The following SPAM1 variants were observed in gnomAD, a reference collection of about 807,000 sequenced individuals.
SPAM1 encodes sperm adhesion molecule 1.
In SPAM1, 22 loss-of-function variants were observed where a neutral mutation model predicts 29.6. That is an observed-to-expected ratio of 0.74 (90% CI 0.53 to 1.06). The LOEUF is 1.06. Ranked by LOEUF, SPAM1 falls within the 50% of genes least tolerant of loss-of-function variation. The pLI is 0.00. For synonymous variants in SPAM1, 194 were observed against 204.6 expected, an observed-to-expected ratio of 0.95 and a Z score of 0.44; for missense variants, 534 against 604.0, an observed-to-expected ratio of 0.88 and a Z score of 1.21.
chr7:123,969,621 T>C (rs1416149802), intron 5 of SPAM1, among the ~76,000 whole-genome samples: 2 of 152,042 alleles, frequency 1.3e-5, no homozygotes, highest in African/African-American at 2.4e-5. Context: ...TATTTCTGGG[T>C]TCTCTGTCCT....
chr7:123,957,724 C>T (rs547794518), intron 4 of SPAM1, among the ~76,000 whole-genome samples: 48 of 152,132 alleles, frequency 3.2e-4, no homozygotes, highest in African/African-American at 9.6e-4. Flanking sequence ...GATACTTTCT[C>T]ATTTGGGTTG....
chr7:123,970,146 A>C, intron 5 of SPAM1: 1 of 1,539,272 alleles, frequency 6.5e-7, no homozygotes, highest in Non-Finnish European at 8.8e-7. Flanking sequence ...AAAGTGCCAC[A>C]GACTAGGTGG....
chr7:123,955,156 T>C (rs567958294), intron 4 of SPAM1, 70 bp downstream of exon 4: 2 of 1,129,768 alleles, frequency 1.8e-6, no homozygotes, highest in African/African-American at 3.1e-5. Context: ...TGTTTTGGTA[T>C]TAAATAAGAA....
In SPAM1 at chr7:123,946,654, G is replaced by A. The variant is rs559977824; in HGVS notation, c.-318-3218G>A. Among the ~76,000 whole-genome samples, 3 of 152,028 alleles carry A rather than the reference G, an allele frequency of 2.0e-5. No homozygotes were observed. The South Asian group carries it at 6.2e-4, about 31-fold the overall frequency. On this transcript the variant is annotated intron_variant, in intron 1 of 4. Coordinates refer to ENST00000682466, the MANE Select transcript of SPAM1 (RefSeq NM_153189.3). ...GATATACATTGGTTTGGTCCAGCAG[G>A]GCAGGACAACTTGAGGTGGGGGGCT...
At chr7:123,966,996 A>G (rs1388379798) in intron 5 of SPAM1, among the ~76,000 whole-genome samples, 1 of 152,026 alleles carries the variant, frequency 6.6e-6, no homozygotes, top group African/African-American at 2.4e-5. Context: ...TTATTTATAT[A>G]CTTTCAATAT....
chr7:123,943,010 A>G (rs1808475984), intron 1 of SPAM1, among the ~76,000 whole-genome samples: 1 of 152,248 alleles, frequency 6.6e-6, no homozygotes, highest in African/African-American at 2.4e-5. Flanking sequence ...TCATGTAGAG[A>G]GAAATATGCT....
chr7:123,940,156 C>G (rs1393652870), intron 1 of SPAM1, among the ~76,000 whole-genome samples: 1 of 151,682 alleles, frequency 6.6e-6, no homozygotes, highest in African/African-American at 2.4e-5. Context: ...GTTTGAACAT[C>G]TTCATTTTAA....
chr7:123,962,584 G>T (rs1349693656), downstream of SPAM1, among the ~76,000 whole-genome samples: 1 of 151,614 alleles, frequency 6.6e-6, no homozygotes, highest in Non-Finnish European at 1.5e-5. Context: ...TAAAATCTTT[G>T]CCTTGACCAA....
At chr7:123,967,240 G>A (rs1792437289) in intron 5 of SPAM1, among the ~76,000 whole-genome samples, 2 of 151,980 alleles carry the variant, frequency 1.3e-5, no homozygotes, top group Non-Finnish European at 2.9e-5. Flanking sequence ...CACAGTGCTA[G>A]TCACAGTACG....
chr7:123,944,254 A>C (rs536400165), intron 1 of SPAM1, among the ~76,000 whole-genome samples: 13 of 152,124 alleles, frequency 8.5e-5, no homozygotes, highest in Non-Finnish European at 1.6e-4. Flanking sequence ...CTGGGTCTGA[A>C]AATGAGGCTT....
chr7:123,935,791 A>G (rs537075705), intron 1 of SPAM1, among the ~76,000 whole-genome samples: 1 of 152,328 alleles, frequency 6.6e-6, no homozygotes, highest in South Asian at 2.1e-4. Context: ...ATACAAATAT[A>G]TAACTGATAG....
intron 1 of SPAM1, among the ~76,000 whole-genome samples, chr7:123,945,802 T>G (rs1808561761): frequency 6.6e-6 from 1 of 151,028 alleles, no homozygotes; most frequent in Non-Finnish European, 1.5e-5. Context: ...AAGCCCCTGT[T>G]TTTTTTTTCC....
intron 1 of SPAM1, among the ~76,000 whole-genome samples, chr7:123,937,472 G>A (rs1457749610): frequency 2.6e-5 from 4 of 151,870 alleles, no homozygotes; most frequent in Middle Eastern, 3.4e-3. Context: ...ATGGTGGCGG[G>A]CGCCTGTAGT....
At chr7:123,955,302 A>G (rs181641900) in intron 4 of SPAM1, among the ~76,000 whole-genome samples, 2 of 152,170 alleles carry the variant, frequency 1.3e-5, no homozygotes, top group Non-Finnish European at 2.9e-5. Flanking sequence ...AATTTAGTGA[A>G]TAATTGAATT....
intron 2 of SPAM1, among the ~76,000 whole-genome samples, chr7:123,950,984 T>C (rs912158609): frequency 1.3e-5 from 2 of 152,242 alleles, no homozygotes; most frequent in Non-Finnish European, 2.9e-5. Context: ...CATTGCAGTT[T>C]AGACTTGCAT....
Position 123,937,486 on chromosome 7 carries a change from A to G in SPAM1, c.-319+12134A>G, listed in dbSNP as rs536533971. On this transcript the variant is annotated intron_variant, in intron 1 of 4. Coordinates refer to ENST00000682466, the MANE Select transcript of SPAM1 (RefSeq NM_153189.3). Reference sequence around the variant, plus strand: ...CATGGTGGCGGGCGCCTGTAGTCCCAGCTACTCGGGAGGCTGAGGCAGGAG... The same window carrying G: ...CATGGTGGCGGGCGCCTGTAGTCCCGGCTACTCGGGAGGCTGAGGCAGGAG... 3.3e-5 allele frequency among the ~76,000 whole-genome samples: 5 copies of G among 151,408 alleles called. No individual in the cohort carries two copies. The East Asian group carries it at 9.8e-4, about 30-fold the overall frequency.
chr7:123,952,893 GAA>G (rs11356452), intron 2 of SPAM1, among the ~76,000 whole-genome samples: 92 of 131,486 alleles, frequency 7.0e-4, no homozygotes, highest in African/African-American at 1.4e-3. Context: ...GCTCCCCTTT[GAA>G]AAAAAAAAAA....
chr7:123,929,339 A>G (rs1237628868), intron 1 of SPAM1, among the ~76,000 whole-genome samples: 1 of 152,082 alleles, frequency 6.6e-6, no homozygotes, highest in Non-Finnish European at 1.5e-5. Flanking sequence ...GCCTGGGAGA[A>G]GTTCTGGCTA....
Position 123,959,897 on chromosome 7 carries a change from C to T in SPAM1, c.1458C>T (p.Pro486=), listed in dbSNP as rs893218036. The stretch of plus-strand genomic sequence containing the variant: ...CTCAAATTTTCTACAATGCTTCACC[C>T]TCCACACTATCTGCCACAATGTTCA... ...EEPQIFYNAS[P]STLSATMFIV... is the part of the protein sequence containing the mutation. The change falls in exon 5 of 5, where the codon CCC becomes CCT. Residue 486 remains proline, a synonymous_variant. Coordinates refer to ENST00000682466, the MANE Select transcript of SPAM1 (RefSeq NM_153189.3). 6 of 1,612,672 alleles carry T rather than the reference C, an allele frequency of 3.7e-6. No homozygotes were observed. Among genetic ancestry groups the T allele is most frequent in the Non-Finnish European group, 5.1e-6 (6 of 1,179,450 alleles).
Sources: gnomAD v4.1 joint callset for allele counts (sites outside exome capture counted in the v4.1 genomes callset) on GRCh38, gnomAD v4.1.1 for gene constraint, MANE v1.5 for transcripts, NCBI Gene and HGNC (gene_info 2026-07-23, HGNC 2026-07-21) for gene names.